Variants in VEPH1 observed in about 807,000 individuals in gnomAD.
The protein encoded by VEPH1 is ventricular zone-expressed PH domain-containing protein homolog 1.
A neutral mutation model predicts 85.2 loss-of-function variants in VEPH1; 80 were observed. The ratio of observed to expected loss-of-function variants is 0.94; its 90% CI spans 0.78 to 1.13. The LOEUF (loss-of-function observed/expected upper bound fraction) is 1.13. VEPH1 is among the 50% of genes most tolerant of loss of function. The pLI is 0.00. For synonymous variants in VEPH1, 297 were observed against 348.0 expected (o/e 0.85, Z 1.63); for missense variants, 955 against 980.5 (o/e 0.97, Z 0.35).
intron 11 of VEPH1, among the ~76,000 whole-genome samples, chr3:157,302,955 C>T (rs886447260): frequency 1.8e-4 from 28 of 151,548 alleles, no homozygotes; most frequent in African/African-American, 6.8e-4. Context: ...TTTTTCATCT[C>T]GTCCTTTAAA....
In VEPH1 at chr3:157,480,329, C is replaced by T. The variant is rs562079418; in HGVS notation, c.139-9800G>A. 9.2e-5 allele frequency among the ~76,000 whole-genome samples: 14 copies of T among 151,930 alleles called. 1 individual carries two copies. Among genetic ancestry groups the T allele is most frequent in the African/African-American group, 2.9e-4 (12 of 41,370 alleles). On this transcript the variant is annotated intron_variant, in intron 2 of 13. Transcript: ENST00000362010. ...TTCAACTTTTATTTTAGATTCAGAG[C>T]GTACATCAGCAGGTTTGTTACAAGA...
At chr3:157,463,354 C>G (rs144482029) in intron 3 of VEPH1, among the ~76,000 whole-genome samples, 5 of 152,286 alleles carry the variant, frequency 3.3e-5, no homozygotes, top group African/African-American at 1.2e-4. Flanking sequence ...TGATGCTATT[C>G]TTTGGCGATA....
intron 12 of VEPH1, among the ~76,000 whole-genome samples, chr3:157,277,280 C>T (rs1180556882): frequency 6.6e-6 from 1 of 152,134 alleles, no homozygotes; most frequent in Non-Finnish European, 1.5e-5. Flanking sequence ...TTAATAAGAT[C>T]GCGTGGATAG....
At chr3:157,486,583 T>G (rs1334654363) in intron 2 of VEPH1, among the ~76,000 whole-genome samples, 1 of 152,118 alleles carries the variant, frequency 6.6e-6, no homozygotes, top group African/African-American at 2.4e-5. Flanking sequence ...TTACTAGCTA[T>G]ACAACCTTGG....
chr3:157,358,764 G>A (rs1275157196), intron 9 of VEPH1, among the ~76,000 whole-genome samples: 1 of 152,154 alleles, frequency 6.6e-6, no homozygotes, highest in East Asian at 1.9e-4. Flanking sequence ...TTGGGAGGCC[G>A]AGATGGGCGG....
chr3:157,399,085 T>G (rs1351912057), intron 6 of VEPH1, among the ~76,000 whole-genome samples: 1 of 152,080 alleles, frequency 6.6e-6, no homozygotes, highest in East Asian at 1.9e-4. Flanking sequence ...ATTACTTGAG[T>G]ATCAAAAATC....
At chr3:157,407,515 T>C (rs1731234714) in intron 6 of VEPH1, among the ~76,000 whole-genome samples, 1 of 152,182 alleles carries the variant, frequency 6.6e-6, no homozygotes, top group Non-Finnish European at 1.5e-5. Context: ...CACCAGTTAT[T>C]TCCTAAAAAA....
intron 9 of VEPH1, among the ~76,000 whole-genome samples, chr3:157,328,956 CT>C (rs1722216577): frequency 1.3e-5 from 2 of 152,158 alleles, no homozygotes; most frequent in African/African-American, 4.8e-5. Flanking sequence ...GGTCACATGG[CT>C]AGCAACTGGC....
chr3:157,353,821 A>G (rs931525330), intron 9 of VEPH1, among the ~76,000 whole-genome samples: 2 of 152,098 alleles, frequency 1.3e-5, no homozygotes, highest in African/African-American at 4.8e-5. Context: ...CCATGGAGGC[A>G]AGGATATTTG....
intron 6 of VEPH1, among the ~76,000 whole-genome samples, chr3:157,388,694 T>C (rs1307752280): frequency 1.3e-5 from 2 of 152,108 alleles, no homozygotes; most frequent in Non-Finnish European, 2.9e-5. Context: ...CAGGTCAAAA[T>C]ATTTGGAAAA....
At chr3:157,383,702 G>A (rs1729007194) in intron 6 of VEPH1, among the ~76,000 whole-genome samples, 1 of 152,138 alleles carries the variant, frequency 6.6e-6, no homozygotes, top group Non-Finnish European at 1.5e-5. Flanking sequence ...GTGAGACAGA[G>A]GCTTGTGCTT....
At chr3:157,290,935 C>T (rs957767819) in intron 11 of VEPH1, among the ~76,000 whole-genome samples, 12 of 152,128 alleles carry the variant, frequency 7.9e-5, no homozygotes, top group African/African-American at 1.2e-4. Flanking sequence ...CATGAGTCAA[C>T]GCAATGGATT....
chr3:157,502,052 C>G (rs183883819), intron 1 of VEPH1, among the ~76,000 whole-genome samples: 2 of 152,302 alleles, frequency 1.3e-5, no homozygotes, highest in African/African-American at 4.8e-5. Flanking sequence ...TTCAGCCCTT[C>G]CCACAAGATG....
At chr3:157,489,017 T>C (rs1738958893) in intron 2 of VEPH1, 2 of 403,660 alleles carry the variant, frequency 5.0e-6, no homozygotes, top group African/African-American at 4.3e-5. Context: ...CTGTTGGTCC[T>C]ATCTTCAAAA....
intron 4 of VEPH1, among the ~76,000 whole-genome samples, chr3:157,450,717 T>C (rs1375626533): frequency 2.0e-5 from 3 of 152,254 alleles, no homozygotes; most frequent in Middle Eastern, 3.4e-3. Flanking sequence ...AGATACTTTT[T>C]ACTAATCACA....
At chr3:157,316,559 G>T (rs1156949358) in intron 10 of VEPH1, among the ~76,000 whole-genome samples, 2 of 149,626 alleles carry the variant, frequency 1.3e-5, no homozygotes, top group African/African-American at 4.9e-5. Context: ...AATCTCTTTT[G>T]ATGCTAACAT....
At chr3:157,373,920 G>A (rs549579116) in intron 7 of VEPH1, among the ~76,000 whole-genome samples, 1 of 152,264 alleles carries the variant, frequency 6.6e-6, no homozygotes, top group South Asian at 2.1e-4. Flanking sequence ...GAGCCAGCCT[G>A]TCTGAGGTCT....
intron 12 of VEPH1, among the ~76,000 whole-genome samples, chr3:157,271,830 G>A (rs377255357): frequency 4.9e-4 from 75 of 152,180 alleles, no homozygotes; most frequent in South Asian, 6.2e-4. Context: ...TCAGATATAC[G>A]AGGGAACTTC....
chr3:157,305,314 T>G (rs1719389448), intron 11 of VEPH1, among the ~76,000 whole-genome samples: 1 of 151,518 alleles, frequency 6.6e-6, no homozygotes, highest in African/African-American at 2.4e-5. Flanking sequence ...TTTCACCGTT[T>G]TTAGCCGGGA....
Sources: allele counts gnomAD v4.1 joint callset (sites outside exome capture counted in the v4.1 genomes callset), GRCh38; gene constraint gnomAD v4.1.1; transcripts MANE v1.5; gene names NCBI Gene and HGNC (gene_info 2026-07-23, HGNC 2026-07-21).